Variants in TRMT11 observed in about 807,000 individuals in gnomAD.
TRMT11 encodes tRNA (guanine(10)-N(2))-methyltransferase TRMT11.
A neutral mutation model predicts 62.8 loss-of-function variants in TRMT11; 53 were observed. The ratio of observed to expected loss-of-function variants is 0.84; its 90% CI spans 0.68 to 1.06. The LOEUF (loss-of-function observed/expected upper bound fraction) is 1.06, where lower values mean the gene tolerates loss of function less well. Among genes scored for constraint, TRMT11 ranks in the 50% least tolerant of loss-of-function variants. The pLI is 0.00. For synonymous variants in TRMT11, 188 were observed against 190.3 expected (o/e 0.99, Z 0.10); for missense variants, 556 against 553.4 (o/e 1.00, Z -0.05).
chr6:126,191,282 C>T (rs1778595575), intron 1 of TRMT11, among the ~76,000 whole-genome samples: 1 of 151,844 alleles, frequency 6.6e-6, no homozygotes, highest in Non-Finnish European at 1.5e-5. Context: ...ATTTTAAAAT[C>T]AGATTACTAG....
chr6:126,026,642 C>T (rs1448959866), intron 12 of TRMT11, among the ~76,000 whole-genome samples: 2 of 151,998 alleles, frequency 1.3e-5, no homozygotes, highest in Non-Finnish European at 2.9e-5. Context: ...ACCTCAGCCT[C>T]CCAAAGTGCT....
At chr6:126,016,553 G>A (rs1160775392) in intron 11 of TRMT11, among the ~76,000 whole-genome samples, 3 of 152,226 alleles carry the variant, frequency 2.0e-5, no homozygotes, top group Admixed American at 1.3e-4. Flanking sequence ...TCTTTAAACT[G>A]AATGTATTTC....
intron 17 of TRMT11, among the ~76,000 whole-genome samples, chr6:126,081,097 A>G (rs1777150181): frequency 6.6e-6 from 1 of 152,222 alleles, no homozygotes; most frequent in African/African-American, 2.4e-5. Context: ...TTTGGTCTCT[A>G]CAGACATTGA....
chr6:126,117,141 C>T (rs1409709040), intron 21 of TRMT11, among the ~76,000 whole-genome samples: 4 of 152,010 alleles, frequency 2.6e-5, no homozygotes, highest in African/African-American at 4.8e-5. Context: ...TTTGTATCCT[C>T]GCTAAAGAGG....
chr6:126,028,636 G>A (rs578165386), intron 12 of TRMT11, among the ~76,000 whole-genome samples: 11 of 152,110 alleles, frequency 7.2e-5, no homozygotes, highest in African/African-American at 1.7e-4. Flanking sequence ...AGTTTACATC[G>A]TGGAGGATCA....
intron 21 of TRMT11, among the ~76,000 whole-genome samples, chr6:126,157,714 T>C (rs1778137350): frequency 6.6e-6 from 1 of 152,192 alleles, no homozygotes; most frequent in African/African-American, 2.4e-5. Context: ...TTTAGATGGG[T>C]CTGATGAAAA....
chr6:126,089,543 A>G (rs1452274802), intron 17 of TRMT11, among the ~76,000 whole-genome samples: 1 of 152,236 alleles, frequency 6.6e-6, no homozygotes, highest in East Asian at 1.9e-4. Flanking sequence ...TTACTGAGAA[A>G]CAAAGGCAGG....
chr6:125,998,813 G>A lies in TRMT11; in HGVS notation c.522+129G>A, dbSNP rs75202383. 62 of 841,528 alleles carry A rather than the reference G, an allele frequency of 7.4e-5. No individual in the cohort carries two copies. The African/African-American group carries it at 9.7e-4, about 13-fold the overall frequency. The allele number at this position is 841,528 out of a possible 1,614,324, so 52.1% of individuals were successfully genotyped here. ...AGAACTACTGAATGGATTAAAATTGGTGAAGAGTATGTGATTATGTTTTGT... is the reference window on the plus strand; with the variant it reads ...AGAACTACTGAATGGATTAAAATTGATGAAGAGTATGTGATTATGTTTTGT... On this transcript the variant is annotated intron_variant, in intron 6 of 12. Coordinates refer to ENST00000334379, the MANE Select transcript of TRMT11 (RefSeq NM_001031712.3).
chr6:126,044,869 TA>T (rs936602971), intron 16 of TRMT11, among the ~76,000 whole-genome samples: 1 of 151,630 alleles, frequency 6.6e-6, no homozygotes, highest in Non-Finnish European at 1.5e-5. Flanking sequence ...GACTTGGGTA[TA>T]AGGAAGAACT....
intron 1 of TRMT11, among the ~76,000 whole-genome samples, chr6:125,993,217 G>T (rs1006744059): frequency 6.6e-6 from 1 of 152,154 alleles, no homozygotes; most frequent in African/African-American, 2.4e-5. Context: ...CAAAGTGATT[G>T]CTTCAAAGAA....
intron 17 of TRMT11, among the ~76,000 whole-genome samples, chr6:126,091,485 G>C (rs187555924): frequency 7.2e-4 from 109 of 152,276 alleles, no homozygotes; most frequent in Admixed American, 6.7e-3. Flanking sequence ...CTTCCACCAA[G>C]TTGCAGTGCC....
chr6:126,145,379 C>G (rs978505902), intron 21 of TRMT11, among the ~76,000 whole-genome samples: 3 of 151,910 alleles, frequency 2.0e-5, no homozygotes, highest in Admixed American at 1.3e-4. Context: ...GATGCAGGAG[C>G]CAAATTGGAA....
At chr6:126,032,058 A>C (rs1352070086) in intron 12 of TRMT11, among the ~76,000 whole-genome samples, 3 of 152,156 alleles carry the variant, frequency 2.0e-5, no homozygotes, top group Non-Finnish European at 4.4e-5. Flanking sequence ...GTGATGTTTC[A>C]GAAATCTGGC....
At chr6:126,117,106 G>A (rs1777597337) in intron 21 of TRMT11, among the ~76,000 whole-genome samples, 1 of 152,024 alleles carries the variant, frequency 6.6e-6, no homozygotes, top group African/African-American at 2.4e-5. Context: ...GTGGACTTTT[G>A]GGGGTTACTT....
intron 17 of TRMT11, among the ~76,000 whole-genome samples, chr6:126,088,121 T>A (rs1159708769): frequency 6.6e-6 from 1 of 151,432 alleles, no homozygotes; most frequent in Non-Finnish European, 1.5e-5. Flanking sequence ...ATAGTCTATA[T>A]AGTATATATA....
intron 12 of TRMT11, among the ~76,000 whole-genome samples, chr6:126,024,649 G>C (rs1289886447): frequency 6.6e-6 from 1 of 152,132 alleles, no homozygotes; most frequent in East Asian, 1.9e-4. Flanking sequence ...TCATATTGAG[G>C]GTTAGGGCCT....
intron 1 of TRMT11, among the ~76,000 whole-genome samples, chr6:125,988,993 A>C (rs1008893023): frequency 6.6e-6 from 1 of 152,178 alleles, no homozygotes; most frequent in South Asian, 2.1e-4. Context: ...GCTTAAAGGC[A>C]CAGAGGTGTG....
the TRMT11 span, among the ~76,000 whole-genome samples, chr6:126,225,671 C>T: frequency 7.0e-6 from 1 of 142,744 alleles, no homozygotes; most frequent in African/African-American, 2.7e-5. Context: ...TTTGATGAGT[C>T]AATTATGTTT....
intron 7 of TRMT11, among the ~76,000 whole-genome samples, chr6:126,005,171 C>T (rs1163291358): frequency 1.3e-5 from 2 of 151,966 alleles, no homozygotes; most frequent in African/African-American, 4.8e-5. Flanking sequence ...TTGTGAATGG[C>T]ATATATAACA....
Sources: allele counts gnomAD v4.1 joint callset (sites outside exome capture counted in the v4.1 genomes callset), GRCh38; gene constraint gnomAD v4.1.1; transcripts MANE v1.5; gene names NCBI Gene and HGNC (gene_info 2026-07-23, HGNC 2026-07-21).